The following CDH13 variants were observed in gnomAD, a reference collection of about 807,000 sequenced individuals.
CDH13 encodes the protein cadherin-13.
CDH13 carries 24 observed loss-of-function variants against 63.8 expected under a neutral mutation model. The ratio of observed to expected loss-of-function variants is 0.38; its 90% CI spans 0.27 to 0.53. CDH13 has a LOEUF of 0.53. Among genes scored for constraint, CDH13 ranks in the 20% least tolerant of loss-of-function variants. The pLI is 0.85. For missense variants in CDH13, 1,049 were observed against 903.1 expected (o/e 1.16, Z -2.07); for synonymous variants, 503 against 355.3 (o/e 1.42, Z -4.67).
rs9926637 is a variant in CDH13, at chr16:82,910,668, C to T, written c.157+52195C>T. On this transcript the variant is annotated intron_variant, in intron 2 of 13. Coordinates refer to ENST00000567109, the MANE Select transcript of CDH13 (RefSeq NM_001257.5). Reference sequence around the variant, plus strand: ...CCTAGTCTCAAACCACTAAACAGGCCGCACAGGTGTTTAGTGGTACTTATT... The same window carrying T: ...CCTAGTCTCAAACCACTAAACAGGCTGCACAGGTGTTTAGTGGTACTTATT... 4.7e-3 allele frequency among the ~76,000 whole-genome samples: 716 copies of T among 152,260 alleles called. 2 individuals are homozygous for T. Among genetic ancestry groups the T allele is most frequent in the African/African-American group, 0.016 (681 of 41,536 alleles).
chr16:82,719,221 T>G (rs1386181088), intron 1 of CDH13: 13 of 324,300 alleles, frequency 4.0e-5, no homozygotes, highest in Non-Finnish European at 6.8e-5. Context: ...CTCAGGAGTT[T>G]CCACGAGCAG....
intron 2 of CDH13, among the ~76,000 whole-genome samples, chr16:82,880,073 A>G (rs974128468): frequency 2.7e-5 from 4 of 150,590 alleles, no homozygotes; most frequent in African/African-American, 9.7e-5. Context: ...TTATGTAATC[A>G]GTATGTATAT....
At chr16:82,649,590 T>C (rs1487879062) in intron 1 of CDH13, among the ~76,000 whole-genome samples, 1 of 152,076 alleles carries the variant, frequency 6.6e-6, no homozygotes, top group Non-Finnish European at 1.5e-5. Context: ...TTGGGGAACC[T>C]GTGAAATGGC....
At chr16:83,155,177 C>G (rs1475091501) in intron 4 of CDH13, among the ~76,000 whole-genome samples, 1 of 152,102 alleles carries the variant, frequency 6.6e-6, no homozygotes, top group Non-Finnish European at 1.5e-5. Context: ...AAGTAGTCTT[C>G]CCTGAGAAAT....
chr16:83,446,678 G>C lies in CDH13; in HGVS notation c.782-39799G>C, dbSNP rs185615329. Among the ~76,000 whole-genome samples the C allele has an allele frequency of 5.3e-5, 8 of 152,200 alleles. No individual in the cohort carries two copies. In the East Asian group the frequency reaches 1.5e-3, roughly 29 times the overall value. The stretch of plus-strand genomic sequence containing the variant: ...AAAGGAACGAGCTCCAGATAGGAAA[G>C]TCTTCCCTGTAATTAATTTAAACAA... On this transcript the variant is annotated intron_variant, in intron 6 of 13. Coordinates refer to ENST00000567109, the MANE Select transcript of CDH13 (RefSeq NM_001257.5).
intron 6 of CDH13, among the ~76,000 whole-genome samples, chr16:83,451,512 TC>T (rs1198705140): frequency 1.3e-5 from 2 of 152,112 alleles, no homozygotes; most frequent in Non-Finnish European, 2.9e-5. Context: ...ACTCTTTTTT[TC>T]TTTTGTTTTT....
At chr16:83,774,781 G>A (rs1914993360) in intron 11 of CDH13, among the ~76,000 whole-genome samples, 1 of 152,220 alleles carries the variant, frequency 6.6e-6, no homozygotes, top group Non-Finnish European at 1.5e-5. Flanking sequence ...AGGGGCCAGG[G>A]GAAGGGGAAT....
chr16:83,524,155 A>C (rs910509954), intron 7 of CDH13, among the ~76,000 whole-genome samples: 1 of 152,200 alleles, frequency 6.6e-6, no homozygotes, highest in Non-Finnish European at 1.5e-5. Context: ...GTTTCCACAG[A>C]TAAGCTTGTG....
intron 6 of CDH13, among the ~76,000 whole-genome samples, chr16:83,446,031 G>C (rs1387935210): frequency 6.6e-6 from 1 of 152,128 alleles, no homozygotes; most frequent in African/African-American, 2.4e-5. Context: ...AGGTGCTGTG[G>C]CTCAGGTCTG....
intron 3 of CDH13, among the ~76,000 whole-genome samples, chr16:83,095,550 T>C (rs1198672291): frequency 3.3e-5 from 5 of 152,236 alleles, no homozygotes; most frequent in African/African-American, 1.2e-4. Context: ...TATCTTTCTA[T>C]GATTTTTCTA....
intron 8 of CDH13, among the ~76,000 whole-genome samples, chr16:83,603,610 G>T (rs113851446): frequency 6.6e-5 from 10 of 152,234 alleles, no homozygotes; most frequent in African/African-American, 2.4e-4. Flanking sequence ...CCTCCAGGGT[G>T]TTTGGAGAAA....
At chr16:82,798,166 T>C (rs1020288944) in intron 1 of CDH13, among the ~76,000 whole-genome samples, 2 of 152,204 alleles carry the variant, frequency 1.3e-5, no homozygotes, top group Non-Finnish European at 2.9e-5. Flanking sequence ...GGAAACCAGG[T>C]TGCTCTTGAA....
At chr16:83,287,354 G>GCCTAT (rs2151861960) in intron 5 of CDH13, among the ~76,000 whole-genome samples, 1 of 152,312 alleles carries the variant, frequency 6.6e-6, no homozygotes, top group Non-Finnish European at 1.5e-5. Context: ...TGACCTGTTA[G>GCCTAT]GAACCTGGCT....
intron 2 of CDH13, among the ~76,000 whole-genome samples, chr16:82,912,903 A>G (rs951043810): frequency 6.6e-6 from 1 of 151,774 alleles, no homozygotes; most frequent in African/African-American, 2.4e-5. Flanking sequence ...AGATCACGCC[A>G]CTGCACTCCA....
At chr16:83,605,613 C>T (rs1218240828) in intron 8 of CDH13, among the ~76,000 whole-genome samples, 1 of 152,070 alleles carries the variant, frequency 6.6e-6, no homozygotes, top group Admixed American at 6.6e-5. Context: ...TGCCTGTCGC[C>T]CAGTATTTTC....
intron 10 of CDH13, among the ~76,000 whole-genome samples, chr16:83,740,876 C>T (rs533445354): frequency 2.6e-5 from 4 of 152,320 alleles, no homozygotes; most frequent in Non-Finnish European, 5.9e-5. Context: ...GCACCCCATC[C>T]CTGGGAAATT....
intron 7 of CDH13, among the ~76,000 whole-genome samples, chr16:83,531,137 A>G (rs7206005): frequency 0.12 from 18,659 of 152,190 alleles, 2,176 homozygotes; most frequent in African/African-American, 0.31. Context: ...ATGGTAGCAC[A>G]TCCTCTTCTG....
At chr16:82,667,630 G>C (rs1308561054) in intron 1 of CDH13, among the ~76,000 whole-genome samples, 2 of 152,186 alleles carry the variant, frequency 1.3e-5, no homozygotes, top group Non-Finnish European at 2.9e-5. Flanking sequence ...CCTATCTGAA[G>C]TTGGACAGAG....
intron 1 of CDH13, among the ~76,000 whole-genome samples, chr16:82,639,798 C>G (rs576806437): frequency 5.9e-5 from 9 of 152,212 alleles, no homozygotes; most frequent in Non-Finnish European, 1.2e-4. Context: ...ATTTTCCGTA[C>G]TAGCCACAGA....
Sources: gnomAD v4.1 joint callset for allele counts (sites outside exome capture counted in the v4.1 genomes callset) on GRCh38, gnomAD v4.1.1 for gene constraint, MANE v1.5 for transcripts, NCBI Gene and HGNC (gene_info 2026-07-23, HGNC 2026-07-21) for gene names.